The following KMT2E variants were observed in gnomAD, a reference collection of about 807,000 sequenced individuals.
KMT2E encodes histone reader KMT2E.
In KMT2E, 30 loss-of-function variants were observed where a neutral mutation model predicts 184.6. The ratio of observed to expected loss-of-function variants is 0.16; its 90% CI spans 0.12 to 0.22. KMT2E has a LOEUF of 0.22. KMT2E is among the 10% of genes least tolerant of loss of function. The pLI is 1.00. For missense variants in KMT2E, 2,023 were observed against 2,237.4 expected (o/e 0.90, Z 1.93); for synonymous variants, 815 against 776.5 (o/e 1.05, Z -0.82).
chr7:105,025,128 T>C (rs1795122407), intron 1 of KMT2E, among the ~76,000 whole-genome samples: 1 of 152,160 alleles, frequency 6.6e-6, no homozygotes, highest in African/African-American at 2.4e-5. Context: ...AACATATGTT[T>C]ATTAAAAGGA....
rs1387847900 is a variant in KMT2E, at chr7:105,112,389, C to G, written c.4633C>G (p.Pro1545Ala). The G allele has an allele frequency of 6.2e-7, 1 of 1,612,900 alleles. No homozygotes were observed. Among genetic ancestry groups the G allele is most frequent in the Non-Finnish European group, 8.5e-7 (1 of 1,180,010 alleles). ...ACAAAGTCTGAACAGCACGGCACCA[C>G]CCCCTCCACCTCCTCCACCTCCTTC... is the stretch of plus-strand genomic sequence containing the variant. Reference protein sequence around the residue: ...NQQSLNSTAPPPPPPPPPSSS... With the variant: ...NQQSLNSTAPAPPPPPPPSSS... Residue 1545 changes from proline (P) to alanine (A), a missense_variant, in exon 27 of 27, where the codon CCC (proline) becomes GCC (alanine). Around this residue, in one of 8 missense-constraint regions of KMT2E, gnomAD observed 1,108 missense variants for 1,050.9 expected, o/e 1.05. Transcript: ENST00000311117.
chr7:105,027,433 C>G (rs529247487), intron 1 of KMT2E, among the ~76,000 whole-genome samples: 1 of 152,130 alleles, frequency 6.6e-6, no homozygotes, highest in South Asian at 2.1e-4. Flanking sequence ...ATCCACCAAC[C>G]TCATTCTTGA....
intron 17 of KMT2E, 35 bp from the exon 18 acceptor site, chr7:105,105,404 C>A: frequency 6.7e-7 from 1 of 1,487,194 alleles, no homozygotes; most frequent in Non-Finnish European, 9.1e-7. Flanking sequence ...TTTGGAATTA[C>A]ATATATAATG....
rs1458087372 is a variant in KMT2E, at chr7:105,102,143, T to A, written c.2145T>A (p.Thr715=). 4 of 1,612,602 alleles carry A rather than the reference T, an allele frequency of 2.5e-6. No individual in the cohort carries two copies. The highest frequency in any genetic ancestry group is 3.4e-6 in the Non-Finnish European group (4 of 1,179,264). The change falls in exon 17 of 27, where the codon ACT becomes ACA. Residue 715 remains threonine, a synonymous_variant. Transcript: ENST00000311117. ...ETALAEIITE[T]EVPALNKCPT... is the part of the protein sequence containing the mutation. ...CACTAGCAGAAATAATTACTGAAAC[T>A]GAAGTTCCAGCACTTAATAAATGTC... is the stretch of plus-strand genomic sequence containing the variant.
chr7:105,062,376 A>G (rs1206304209), intron 4 of KMT2E, 98 bp downstream of exon 4: 5 of 693,858 alleles, frequency 7.2e-6, no homozygotes, highest in Non-Finnish European at 9.5e-6. Context: ...TTTGAAAAGC[A>G]TGGTTGTTTC....
At chr7:105,073,568 C>A in intron 6 of KMT2E, 51 bp from the exon 7 acceptor site, 1 of 1,130,420 alleles carries the variant, frequency 8.8e-7, no homozygotes, top group Non-Finnish European at 1.3e-6. Context: ...ACATTTAAGA[C>A]AGATCTGCTT....
At chr7:105,063,692 A>G in intron 5 of KMT2E, 112 bp downstream of exon 5, 1 of 695,386 alleles carries the variant, frequency 1.4e-6, no homozygotes, top group Non-Finnish European at 2.3e-6. Flanking sequence ...ACATATTTTA[A>G]GTGGGACTTC....
At chr7:105,036,415 C>T (rs543875408) in intron 1 of KMT2E, among the ~76,000 whole-genome samples, 5 of 151,968 alleles carry the variant, frequency 3.3e-5, no homozygotes, top group Non-Finnish European at 7.4e-5. Context: ...GTGACCCACC[C>T]GCCTAGGCCT....
intron 19 of KMT2E, among the ~76,000 whole-genome samples, 169 bp from the exon 20 acceptor site, chr7:105,106,353 G>C (rs1180865274): frequency 6.6e-6 from 1 of 152,028 alleles, no homozygotes; most frequent in Non-Finnish European, 1.5e-5. Context: ...GGAGGGAAAG[G>C]GGGCACTGCT....
chr7:105,069,588 G>T (rs1463307030), intron 6 of KMT2E, among the ~76,000 whole-genome samples: 1 of 152,132 alleles, frequency 6.6e-6, no homozygotes. Context: ...TGTTGTTTAG[G>T]TCATTAATTT....
chr7:105,054,458 GTCTA>G (rs71152935), intron 3 of KMT2E, among the ~76,000 whole-genome samples: 25,974 of 136,252 alleles, frequency 0.19, 2,652 homozygotes, highest in Non-Finnish European at 0.23. Flanking sequence ...CTGTCTGTCT[GTCTA>G]TCTATCTATC....
intron 7 of KMT2E, among the ~76,000 whole-genome samples, chr7:105,074,413 G>A (rs1294244491): frequency 1.3e-5 from 2 of 152,134 alleles, no homozygotes; most frequent in Non-Finnish European, 2.9e-5. Flanking sequence ...TTTCCCACAG[G>A]CACACCACCA....
intron 2 of KMT2E, chr7:105,038,550 A>G (rs1359639307): frequency 1.3e-5 from 2 of 152,038 alleles, no homozygotes; most frequent in Non-Finnish European, 2.9e-5. Context: ...TTTAATAGAG[A>G]CAGAGTTTCA....
At chr7:105,051,100 CTCTCT>C (rs1373514230) in intron 3 of KMT2E, among the ~76,000 whole-genome samples, 1 of 150,322 alleles carries the variant, frequency 6.7e-6, no homozygotes, top group Admixed American at 6.7e-5. Context: ...TTTTTTCTCT[CTCTCT>C]CTCTTTCTTC....
At chr7:105,060,605 T>A (rs1584743057) in intron 3 of KMT2E, among the ~76,000 whole-genome samples, 1 of 152,050 alleles carries the variant, frequency 6.6e-6, no homozygotes. Flanking sequence ...TTTTTTTTTT[T>A]ATTTTTAATG....
At chr7:105,068,313 G>A (rs1285839456) in intron 6 of KMT2E, among the ~76,000 whole-genome samples, 1 of 151,736 alleles carries the variant, frequency 6.6e-6, no homozygotes, top group African/African-American at 2.4e-5. Flanking sequence ...GTCTTATCAG[G>A]TGGCACATGA....
At chr7:105,105,081 A>G in intron 17 of KMT2E, 1 of 165,602 alleles carries the variant, frequency 6.0e-6, no homozygotes, top group South Asian at 1.6e-4. Flanking sequence ...TGGAGGGATC[A>G]CACCTGAGCC....
In KMT2E at chr7:105,110,771, A is replaced by G; in HGVS notation, c.3971A>G (p.Asp1324Gly). 2.5e-6 allele frequency: 4 copies of G among 1,612,618 alleles called. No individual in the cohort carries two copies. The highest frequency in any genetic ancestry group is 3.4e-6 in the Non-Finnish European group (4 of 1,178,626). ...ACTATAGGTTTCTTCTGCTTTATAG[A>G]CCCTGATCCTGAAAATCCAGAACCC... ...PVPSFSELMEDPDPENPEPTT... is the reference protein window; with the variant it reads ...PVPSFSELMEGPDPENPEPTT... The change falls in exon 26 of 27, where the codon GAC (aspartate) becomes GGC (glycine). Residue 1324 changes from aspartate (D) to glycine (G), a missense_variant and splice_region_variant. Physicochemically the swap from Asp to Gly is moderately conservative, Grantham distance 94 (BLOSUM62 -1). Around this residue, in one of 8 missense-constraint regions of KMT2E, gnomAD observed 1,108 missense variants for 1,050.9 expected, o/e 1.05. Coordinates refer to ENST00000311117, the MANE Select transcript of KMT2E (RefSeq NM_182931.3).
intron 6 of KMT2E, among the ~76,000 whole-genome samples, chr7:105,072,007 T>C (rs577387931): frequency 1.3e-5 from 2 of 152,198 alleles, no homozygotes; most frequent in South Asian, 4.1e-4. Flanking sequence ...CAGTAAAAGT[T>C]GGTTAAAAAG....
Sources: allele counts gnomAD v4.1 joint callset (sites outside exome capture counted in the v4.1 genomes callset), GRCh38; gene constraint gnomAD v4.1.1; regional missense constraint gnomAD v4.1.1; transcripts MANE v1.5; gene names NCBI Gene and HGNC (gene_info 2026-07-23, HGNC 2026-07-21).